Variants in ZNF197 observed in about 807,000 individuals in gnomAD.
ZNF197 encodes zinc finger protein 197.
Under a neutral mutation model 27.4 loss-of-function variants are expected in ZNF197, and 14 were observed. That is an observed-to-expected ratio of 0.51 (90% CI 0.34 to 0.80). ZNF197 has a LOEUF of 0.80. ZNF197 is among the 30% of genes least tolerant of loss of function. ZNF197 has a pLI of 0.02. For missense variants in ZNF197, 1,090 were observed against 1,222.6 expected (o/e 0.89, Z 1.62); for synonymous variants, 415 against 420.0 (o/e 0.99, Z 0.15).
intron 3 of ZNF197, among the ~76,000 whole-genome samples, 191 bp downstream of exon 3, chr3:44,631,412 T>A (rs575468625): frequency 1.3e-5 from 2 of 152,216 alleles, no homozygotes; most frequent in East Asian, 3.9e-4. Flanking sequence ...CCCCCCTTTT[T>A]TTTTTTGAGA....
Position 44,645,087 on chromosome 3 carries a change from TG to T in ZNF197, c.*869del. 1 of 982,906 alleles carries T rather than the reference TG, an allele frequency of 1.0e-6. No individual in the cohort carries two copies. Among genetic ancestry groups the T allele is most frequent in the Non-Finnish European group, 1.2e-6 (1 of 827,656 alleles). The allele number at this position is 982,906 out of a possible 1,614,324, so 60.9% of individuals were successfully genotyped here. ...AATCAGAAGACCTACCTTTGATTCCTGGCTTTCCCTTAATGGCCATGTGATG... is the reference window on the plus strand; with the variant it reads ...AATCAGAAGACCTACCTTTGATTCCTGCTTTCCCTTAATGGCCATGTGATG... On this transcript the variant is annotated 3_prime_UTR_variant, in exon 6 of 6. Transcript: ENST00000344387.
Position 44,632,530 on chromosome 3 carries a change from CTG to C in ZNF197, c.701_702del (p.Leu234ArgfsTer31), listed in dbSNP as rs1416092588. The C allele has an allele frequency of 8.1e-6, 13 of 1,610,888 alleles. No homozygotes were observed. Among genetic ancestry groups the C allele is most frequent in the Non-Finnish European group, 9.3e-6 (11 of 1,178,780 alleles). ...CTTCACTTCAGAGGAATGGGCATGT[CTG>C]GGCCCAATCCAGAGGGCCTTGTACT... ...VCFTSEEWAC[L>X]GPIQRALYWD... On this transcript the variant is annotated frameshift_variant, in exon 5 of 6. Transcript: ENST00000344387. LOFTEE classifies it high-confidence loss of function.
chr3:44,645,301 GT>G lies in ZNF197; in HGVS notation c.*1084del. The stretch of plus-strand genomic sequence containing the variant: ...AAGTTTAGAACATGGGATCATGTAA[GT>G]TTGTGTATTAAGTCAATATTAGAAT... On this transcript the variant is annotated 3_prime_UTR_variant, in exon 6 of 6. Transcript: ENST00000344387. The G allele has an allele frequency of 1.0e-6, 1 of 985,376 alleles. No homozygotes were observed. Among genetic ancestry groups the G allele is most frequent in the Non-Finnish European group, 1.2e-6 (1 of 829,926 alleles). 61.0% of individuals were successfully genotyped at this position (985,376 alleles called of 1,614,324 possible).
At chr3:44,632,235 G>GT (rs777322431) in intron 4 of ZNF197, 39 bp downstream of exon 4, 1 of 1,605,212 alleles carries the variant, frequency 6.2e-7, no homozygotes, top group South Asian at 1.1e-5. Context: ...TCTGCACAGC[G>GT]TAACTGTGGC....
At chr3:44,630,053 CA>C (rs1438874846) in intron 2 of ZNF197, among the ~76,000 whole-genome samples, 1 of 151,980 alleles carries the variant, frequency 6.6e-6, no homozygotes. Context: ...CCCATCTCTA[CA>C]AAAAATTTAA....
Position 44,642,944 on chromosome 3 carries a change from C to G in ZNF197, c.1814C>G (p.Ser605Cys). 6.2e-7 allele frequency: 1 copy of G among 1,613,912 alleles called. No individual in the cohort carries two copies. Among genetic ancestry groups the G allele is most frequent in the South Asian group, 1.1e-5 (1 of 91,052 alleles). ...GCKKCGKIFS[S>C]KSNFIDHKRM... ...AAAAAGTGTGGGAAGATTTTCAGTT[C>G]TAAGTCAAACTTCATTGACCATAAG... The change falls in exon 6 of 6, where the codon TCT becomes TGT. Residue 605 changes from serine to cysteine, a missense_variant. Physicochemically the swap from Ser to Cys is moderately radical, Grantham distance 112 (BLOSUM62 -1). Transcript: ENST00000344387.
At chr3:44,625,259 G>A (rs1434269763) in intron 1 of ZNF197, 116 bp downstream of exon 1, 2 of 152,470 alleles carry the variant, frequency 1.3e-5, no homozygotes, top group South Asian at 2.1e-4. Flanking sequence ...CCTGACCCCC[G>A]GCATGGTCCG....
In ZNF197 at chr3:44,642,890, T is replaced by A; in HGVS notation, c.1760T>A (p.Val587Asp). Residue 587 changes from valine to aspartate, a missense_variant, in exon 6 of 6, where the codon GTC (valine) becomes GAC (aspartate). Coordinates refer to ENST00000344387, the MANE Select transcript of ZNF197 (RefSeq NM_006991.5). The stretch of plus-strand genomic sequence containing the variant: ...AAAAGCCTCCTCTTACATCAGAGAG[T>A]CCACACAGAAAAGAAAACCTTTGGT... ...RSKSLLLHQR[V>D]HTEKKTFGCK... 1 of 1,614,078 alleles carries A rather than the reference T, an allele frequency of 6.2e-7. No homozygotes were observed. Among genetic ancestry groups the A allele is most frequent in the Non-Finnish European group, 8.5e-7 (1 of 1,180,014 alleles).
At chr3:44,634,287 G>C (rs1702161131) in intron 5 of ZNF197, among the ~76,000 whole-genome samples, 1 of 152,126 alleles carries the variant, frequency 6.6e-6, no homozygotes. Context: ...TACTGCTAAT[G>C]CTTTGTCAGT....
chr3:44,642,881 A>G lies in ZNF197; in HGVS notation c.1751A>G (p.His584Arg), dbSNP rs765756770. ...ATTCGAAGCAAAAGCCTCCTCTTACATCAGAGAGTCCACACAGAAAAGAAA... is the reference window on the plus strand; with the variant it reads ...ATTCGAAGCAAAAGCCTCCTCTTACGTCAGAGAGTCCACACAGAAAAGAAA... ...VFIRSKSLLL[H>R]QRVHTEKKTF... The change falls in exon 6 of 6, where the codon CAT becomes CGT. Residue 584 changes from histidine to arginine, a missense_variant. Transcript: ENST00000344387. 2 of 1,614,204 alleles carry G rather than the reference A, an allele frequency of 1.2e-6. No homozygotes were observed. Among genetic ancestry groups the G allele is most frequent in the Non-Finnish European group, 8.5e-7 (1 of 1,180,032 alleles).
At chr3:44,638,611 T>C (rs746467939) in intron 5 of ZNF197, among the ~76,000 whole-genome samples, 1 of 152,236 alleles carries the variant, frequency 6.6e-6, no homozygotes, top group Non-Finnish European at 1.5e-5. Context: ...CCAGTACATG[T>C]TGACTAGAAG....
At chr3:44,632,270 G>A in intron 4 of ZNF197, 74 bp downstream of exon 4, 1 of 1,562,900 alleles carries the variant, frequency 6.4e-7, no homozygotes. Flanking sequence ...TCATCCTTGT[G>A]CTTCAATGTC....
Position 44,642,107 on chromosome 3 carries a change from T to C in ZNF197, c.977T>C (p.Leu326Pro). The C allele has an allele frequency of 6.2e-7, 1 of 1,614,026 alleles. No homozygotes were observed. Among genetic ancestry groups the C allele is most frequent in the Non-Finnish European group, 8.5e-7 (1 of 1,179,998 alleles). The change falls in exon 6 of 6, where the codon CTT (leucine) becomes CCT (proline). Residue 326 changes from leucine (L) to proline (P), a missense_variant. Leu to Pro is a moderately conservative substitution (Grantham distance 98). Transcript: ENST00000344387. ...ERADTVKKVS[L>P]CERDKKKRTP... ...GCAGATACAGTGAAGAAAGTTTCCCTTTGTGAACGAGACAAGAAGAAAAGG... is the reference window on the plus strand; with the variant it reads ...GCAGATACAGTGAAGAAAGTTTCCCCTTGTGAACGAGACAAGAAGAAAAGG...
In ZNF197 at chr3:44,645,346, C is replaced by G; in HGVS notation, c.*1126C>G. ...TTAGAATGAGGGGGATTCCAGGAAC[C>G]TAAAAGATACTCATTTTCATAAGAG... On this transcript the variant is annotated 3_prime_UTR_variant, in exon 6 of 6. Transcript: ENST00000344387. The G allele has an allele frequency of 7.1e-6, 7 of 984,664 alleles. No homozygotes were observed. Among genetic ancestry groups the G allele is most frequent in the Non-Finnish European group, 8.4e-6 (7 of 829,916 alleles). The allele number at this position is 984,664 out of a possible 1,614,324, so 61.0% of individuals were successfully genotyped here.
intron 5 of ZNF197, among the ~76,000 whole-genome samples, chr3:44,639,185 G>A (rs1702464289): frequency 6.6e-6 from 1 of 152,166 alleles, no homozygotes; most frequent in Non-Finnish European, 1.5e-5. Flanking sequence ...CCTGGTCATG[G>A]TGTATAATTC....
In ZNF197 at chr3:44,645,477, T is replaced by G; in HGVS notation, c.*1257T>G. 1.0e-6 allele frequency: 1 copy of G among 985,382 alleles called. No homozygotes were observed. The highest frequency in any genetic ancestry group is 1.7e-5 in the African/African-American group (1 of 57,350). 61.0% of individuals were successfully genotyped at this position (985,382 alleles called of 1,614,324 possible). Reference sequence around the variant, plus strand: ...GTTACTAGATTATATATCTAGTTTATGTATATGGAAAAAAATGTTATGGCC... The same window carrying G: ...GTTACTAGATTATATATCTAGTTTAGGTATATGGAAAAAAATGTTATGGCC... On this transcript the variant is annotated 3_prime_UTR_variant, in exon 6 of 6. Coordinates refer to ENST00000344387, the MANE Select transcript of ZNF197 (RefSeq NM_006991.5).
intron 3 of ZNF197, 110 bp from the exon 4 acceptor site, chr3:44,631,995 C>T: frequency 1.0e-6 from 1 of 997,132 alleles, no homozygotes; most frequent in East Asian, 2.5e-5. Flanking sequence ...GCCACCACGC[C>T]CTGCCTTGTA....
At position 44,645,412 on chromosome 3, in the gene ZNF197, A is replaced by G. The variant is rs2125829066; in HGVS notation, c.*1192A>G. 1.0e-6 allele frequency: 1 copy of G among 985,366 alleles called. No homozygotes were observed. The highest frequency in any genetic ancestry group is 1.2e-6 in the Non-Finnish European group (1 of 829,856). The allele number at this position is 985,366 out of a possible 1,614,324, so 61.0% of individuals were successfully genotyped here. Reference sequence around the variant, plus strand: ...GCTAACTGGAATTTAGTGTTCTAAGAATAATTTTGTTAAATTTACCTTTAA... The same window carrying G: ...GCTAACTGGAATTTAGTGTTCTAAGGATAATTTTGTTAAATTTACCTTTAA... On this transcript the variant is annotated 3_prime_UTR_variant, in exon 6 of 6. Coordinates refer to ENST00000344387, the MANE Select transcript of ZNF197 (RefSeq NM_006991.5).
intron 5 of ZNF197, among the ~76,000 whole-genome samples, chr3:44,638,309 G>A (rs570489124): frequency 6.6e-6 from 1 of 151,034 alleles, no homozygotes; most frequent in African/African-American, 2.4e-5. Context: ...GGTTTTATAC[G>A]TTTCTCAGGC....
Sources: gnomAD v4.1 joint callset for allele counts (sites outside exome capture counted in the v4.1 genomes callset) on GRCh38, gnomAD v4.1.1 for gene constraint, MANE v1.5 for transcripts, NCBI Gene and HGNC (gene_info 2026-07-23, HGNC 2026-07-21) for gene names.